The following SLC45A4 variants were observed in gnomAD, a reference collection of about 807,000 sequenced individuals.
The protein encoded by SLC45A4 is solute carrier family 45 member 4.
A neutral mutation model predicts 63.7 loss-of-function variants in SLC45A4; 32 were observed. The ratio of observed to expected loss-of-function variants is 0.50; its 90% CI spans 0.38 to 0.67. The LOEUF (loss-of-function observed/expected upper bound fraction) is 0.67, where lower values mean the gene tolerates loss of function less well. SLC45A4 is among the 30% of genes least tolerant of loss of function. SLC45A4 has a pLI of 0.00. For missense variants in SLC45A4, 1,027 were observed against 1,157.7 expected, an observed-to-expected ratio of 0.89 and a Z score of 1.64; for synonymous variants, 535 against 510.0, an observed-to-expected ratio of 1.05 and a Z score of -0.66.
chr8:141,253,719 T>C (rs1828633983), intron 2 of SLC45A4, among the ~76,000 whole-genome samples: 1 of 152,218 alleles, frequency 6.6e-6, no homozygotes, highest in African/African-American at 2.4e-5. Context: ...CCAGTACTTA[T>C]CAGTGCCAAT....
At chr8:141,287,287 C>T (rs374078295) in intron 1 of SLC45A4, among the ~76,000 whole-genome samples, 7 of 152,338 alleles carry the variant, frequency 4.6e-5, no homozygotes, top group Middle Eastern at 3.4e-3. Context: ...AAGACATAAC[C>T]GCAGCTATGA....
intron 1 of SLC45A4, among the ~76,000 whole-genome samples, chr8:141,260,200 TTGAG>T (rs1563654549): frequency 1.3e-5 from 2 of 152,244 alleles, no homozygotes; most frequent in Middle Eastern, 3.2e-3. Context: ...TTTAGACATC[TTGAG>T]TTTGTTTAAA....
At chr8:141,301,130 C>T (rs1388851302) in intron 1 of SLC45A4, among the ~76,000 whole-genome samples, 2 of 152,118 alleles carry the variant, frequency 1.3e-5, no homozygotes, top group Non-Finnish European at 2.9e-5. Context: ...CTGCCTGCCC[C>T]GCCTAGACAA....
chr8:141,253,655 G>A (rs540453358), intron 2 of SLC45A4, among the ~76,000 whole-genome samples: 2 of 152,314 alleles, frequency 1.3e-5, no homozygotes, highest in African/African-American at 4.8e-5. Flanking sequence ...CCTTTGCCTC[G>A]TTGTTCACTG....
Position 141,269,748 on chromosome 8 carries a change from T to TATGTCTGTGTCTATCTCTGC in SLC45A4, c.-400-15139_-400-15120dup, listed in dbSNP as rs567194503. Among the ~76,000 whole-genome samples, 67 of 152,268 alleles carry TATGTCTGTGTCTATCTCTGC rather than the reference T, an allele frequency of 4.4e-4. No homozygotes were observed. The East Asian group carries it at 0.012, about 28-fold the overall frequency. ...CTCTGGATGGATCTATATGTGTCTG[T>TATGTCTGTGTCTATCTCTGC]ATGTCTGTGTCTATCTCTGCATGTC... On this transcript the variant is annotated intron_variant, in intron 1 of 8. Transcript: ENST00000517878.
intron 1 of SLC45A4, among the ~76,000 whole-genome samples, chr8:141,258,720 A>AATT (rs548251202): frequency 3.3e-5 from 5 of 151,900 alleles, no homozygotes; most frequent in African/African-American, 4.8e-5. Context: ...CCATCTCTAT[A>AATT]ATTATTATTA....
chr8:141,212,101 G>A (rs959624070), intron 8 of SLC45A4, 96 bp downstream of exon 8: 23 of 1,430,998 alleles, frequency 1.6e-5, no homozygotes, highest in African/African-American at 5.8e-5. Flanking sequence ...GCAGGGTTCC[G>A]CGGTGTCTCT....
intron 4 of SLC45A4, 111 bp downstream of exon 4, chr8:141,219,539 C>T: frequency 7.6e-7 from 1 of 1,319,966 alleles, no homozygotes; most frequent in Non-Finnish European, 1.0e-6. Flanking sequence ...TGCCTCAACC[C>T]TCCATGCAGC....
intron 2 of SLC45A4, among the ~76,000 whole-genome samples, chr8:141,242,285 CAGAT>C (rs1827954724): frequency 6.6e-6 from 1 of 152,320 alleles, no homozygotes; most frequent in East Asian, 1.9e-4. Flanking sequence ...GCTCATGTGA[CAGAT>C]AGAATTTAAG....
intron 1 of SLC45A4, chr8:141,292,894 C>T (rs1412772852): frequency 6.6e-6 from 1 of 152,242 alleles, no homozygotes; most frequent in Non-Finnish European, 1.5e-5. Flanking sequence ...GAACCATCAG[C>T]CTTGAAGCTG....
Position 141,218,865 on chromosome 8 carries a change from T to C in SLC45A4, c.775A>G (p.Ser259Gly), listed in dbSNP as rs1308726789. 1.2e-6 allele frequency: 2 copies of C among 1,613,416 alleles called. No individual in the cohort carries two copies. Among genetic ancestry groups the C allele is most frequent in the Non-Finnish European group, 1.7e-6 (2 of 1,179,940 alleles). The change falls in exon 5 of 9, where the codon AGC becomes GGC. Residue 259 changes from serine (S) to glycine (G), a missense_variant. Ser to Gly is a moderately conservative substitution (Grantham distance 56). Transcript: ENST00000517878. The part of the protein sequence containing the change: ...HLFSIDEEQY[S>G]PQQERSAEEP... The stretch of plus-strand genomic sequence containing the variant: ...TCAGCGCTGCGCTCCTGCTGCGGGC[T>C]GTACTGCTCCTCGTCGATGCTGAAC...
chr8:141,220,337 T>C (rs1194943343), intron 3 of SLC45A4, among the ~76,000 whole-genome samples: 1 of 151,728 alleles, frequency 6.6e-6, no homozygotes, highest in Non-Finnish European at 1.5e-5. Context: ...CCCCAAACTT[T>C]AGGGGCTTTG....
intron 2 of SLC45A4, 52 bp from the exon 3 acceptor site, chr8:141,221,817 C>A: frequency 6.3e-7 from 1 of 1,583,382 alleles, no homozygotes; most frequent in South Asian, 1.1e-5. Flanking sequence ...CGGGCTCTGC[C>A]ACAGTTTTCC....
rs757835914 is a variant in SLC45A4 at position 141,212,445 on chromosome 8, C to T, written c.2053G>A (p.Val685Met). 16 of 1,613,720 alleles carry T rather than the reference C, an allele frequency of 9.9e-6. No homozygotes were observed. The highest frequency in any genetic ancestry group is 3.3e-5 in the South Asian group (3 of 91,088). The change falls in exon 8 of 9, where the codon GTG becomes ATG. Residue 685 changes from valine (V) to methionine (M), a missense_variant. Coordinates refer to ENST00000517878, the MANE Select transcript of SLC45A4 (RefSeq NM_001286646.2). ...QILVASALGGVVDAVGTVRVI... is the reference protein window; with the variant it reads ...QILVASALGGMVDAVGTVRVI... ...CGGACAGTCCCCACGGCGTCGACCA[C>T]GCCCCCAAGGGCAGAGGCCACCAGG...
Position 141,215,232 on chromosome 8 carries a change from A to C in SLC45A4, c.1941+527T>G, listed in dbSNP as rs1451263300. On this transcript the variant is annotated intron_variant, in intron 7 of 8. Coordinates refer to ENST00000517878, the MANE Select transcript of SLC45A4 (RefSeq NM_001286646.2). This position sits in a 1 kb window ranked among gnomAD's most constrained non-coding sequence, Gnocchi z 4.3. ...TGTGATGTGCTGTGATGTAACATAC[A>C]CACAATTTCAACGATGAGCAAGAGT... Among the ~76,000 whole-genome samples, 1 of 152,254 alleles carries C rather than the reference A, an allele frequency of 6.6e-6. No individual in the cohort carries two copies. Among genetic ancestry groups the C allele is most frequent in the Non-Finnish European group, 1.5e-5 (1 of 68,042 alleles).
At chr8:141,234,766 C>T (rs545546281) in intron 2 of SLC45A4, among the ~76,000 whole-genome samples, 1 of 152,310 alleles carries the variant, frequency 6.6e-6, no homozygotes, top group South Asian at 2.1e-4. Flanking sequence ...GGAGAGGTCT[C>T]GACTGGCACA....
chr8:141,214,745 A>C (rs908772654), intron 7 of SLC45A4, among the ~76,000 whole-genome samples: 1 of 152,212 alleles, frequency 6.6e-6, no homozygotes, highest in Non-Finnish European at 1.5e-5. Context: ...CTAGCGGAAG[A>C]GAAGAGAGCG....
intron 1 of SLC45A4, among the ~76,000 whole-genome samples, chr8:141,298,438 G>C (rs900985470): frequency 5.9e-5 from 9 of 152,198 alleles, no homozygotes; most frequent in Non-Finnish European, 1.2e-4. Flanking sequence ...AGCCACCTGG[G>C]GACCATCTCC....
At chr8:141,275,918 T>TTGTG (rs1247524327) in intron 1 of SLC45A4, among the ~76,000 whole-genome samples, 4 of 148,062 alleles carry the variant, frequency 2.7e-5, no homozygotes, top group Non-Finnish European at 4.5e-5. Context: ...AAACTTTACT[T>TTGTG]TTTTTTTTTT....
Sources: gnomAD v4.1 joint callset for allele counts (sites outside exome capture counted in the v4.1 genomes callset) on GRCh38, gnomAD v4.1.1 for gene constraint, Gnocchi (gnomAD v3.1) non-coding constraint, MANE v1.5 for transcripts, NCBI Gene and HGNC (gene_info 2026-07-23, HGNC 2026-07-21) for gene names.